Variants in ARID2 observed in about 807,000 individuals in gnomAD.
ARID2 encodes AT-rich interactive domain-containing protein 2.
ARID2 carries 32 observed loss-of-function variants against 184.6 expected under a neutral mutation model. The ratio of observed to expected loss-of-function variants is 0.17; its 90% CI spans 0.13 to 0.23. ARID2 has a LOEUF of 0.23. Ranked by LOEUF, ARID2 falls within the 10% of genes least tolerant of loss-of-function variation. The pLI is 1.00. For missense variants in ARID2, 1,696 were observed against 2,197.6 expected (o/e 0.77, Z 4.56); for synonymous variants, 836 against 772.6 (o/e 1.08, Z -1.36).
intron 3 of ARID2, among the ~76,000 whole-genome samples, chr12:45,754,658 T>A (rs1941528994): frequency 6.6e-6 from 1 of 152,256 alleles, no homozygotes; most frequent in Non-Finnish European, 1.5e-5. Context: ...AAGTAGATCC[T>A]TCTTTATAAT....
chr12:45,817,967 T>C (rs188417567), intron 5 of ARID2, 79 bp downstream of exon 5: 4 of 1,108,034 alleles, frequency 3.6e-6, no homozygotes, highest in Admixed American at 3.1e-5. Flanking sequence ...AAAGTACTTT[T>C]TGTTTGTCAA....
At chr12:45,757,204 A>G (rs948811578) in intron 3 of ARID2, among the ~76,000 whole-genome samples, 4 of 152,176 alleles carry the variant, frequency 2.6e-5, no homozygotes, top group Non-Finnish European at 5.9e-5. Flanking sequence ...CCAAACTGTT[A>G]AGTAGGTGGA....
intron 16 of ARID2, among the ~76,000 whole-genome samples, chr12:45,873,536 C>T (rs1353037581): frequency 1.3e-5 from 2 of 152,082 alleles, no homozygotes; most frequent in Non-Finnish European, 2.9e-5. Flanking sequence ...TTGCAGTATA[C>T]ATTTATAGTT....
At chr12:45,799,569 A>G (rs1314353524) in intron 3 of ARID2, among the ~76,000 whole-genome samples, 2 of 152,202 alleles carry the variant, frequency 1.3e-5, no homozygotes, top group Non-Finnish European at 2.9e-5. Flanking sequence ...TAATGCAACT[A>G]TAAAGGAAGA....
At position 45,852,012 on chromosome 12, in the gene ARID2, A is replaced by C. The variant is rs763246157; in HGVS notation, c.3889A>C (p.Arg1297=). 1 of 1,614,142 alleles carries C rather than the reference A, an allele frequency of 6.2e-7. No homozygotes were observed. The highest frequency in any genetic ancestry group is 1.7e-5 in the Admixed American group (1 of 60,010). ...GCATGTGGGAAGTCTTTTAAATGGG[A>C]GAAAGTACAGTGACTCAAGTCTACC... The part of the protein sequence containing the change: ...EMHVGSLLNG[R]KYSDSSLPPS... The change falls in exon 15 of 21, where the codon AGA becomes CGA. Residue 1297 remains arginine (R), a synonymous_variant. Coordinates refer to ENST00000334344, the MANE Select transcript of ARID2 (RefSeq NM_152641.4).
At chr12:45,768,147 A>G (rs1055256484) in intron 3 of ARID2, among the ~76,000 whole-genome samples, 6 of 152,208 alleles carry the variant, frequency 3.9e-5, no homozygotes, top group Admixed American at 3.9e-4. Flanking sequence ...CCAAGAACAC[A>G]AGATTACCTG....
chr12:45,759,787 C>A (rs1941639189), intron 3 of ARID2, among the ~76,000 whole-genome samples: 1 of 152,126 alleles, frequency 6.6e-6, no homozygotes, highest in Admixed American at 6.5e-5. Flanking sequence ...GTCTCAATCT[C>A]CTGTGCTCAA....
At chr12:45,899,554 C>A (rs193196167) in intron 20 of ARID2, among the ~76,000 whole-genome samples, 2 of 149,308 alleles carry the variant, frequency 1.3e-5, no homozygotes, top group African/African-American at 2.4e-5. Context: ...TGCAGTGAAC[C>A]GAGATCCCAC....
intron 3 of ARID2, among the ~76,000 whole-genome samples, 199 bp downstream of exon 3, chr12:45,731,513 A>G (rs1940998522): frequency 6.6e-6 from 1 of 152,218 alleles, no homozygotes; most frequent in Non-Finnish European, 1.5e-5. Flanking sequence ...AGGATCGTTT[A>G]CATTTTTCAT....
chr12:45,750,514 A>C (rs1173255763), intron 3 of ARID2, among the ~76,000 whole-genome samples: 1 of 152,216 alleles, frequency 6.6e-6, no homozygotes, highest in Non-Finnish European at 1.5e-5. Flanking sequence ...TTAAACCTTC[A>C]ATTGGTTTTA....
intron 3 of ARID2, among the ~76,000 whole-genome samples, chr12:45,810,610 G>A (rs1942688867): frequency 6.6e-6 from 1 of 152,002 alleles, no homozygotes; most frequent in Non-Finnish European, 1.5e-5. Flanking sequence ...AAAAGAATGA[G>A]GTAGTGCAGT....
rs147318807 is a variant in ARID2 at position 45,797,764 on chromosome 12, A to G, written c.285-13654A>G. Among the ~76,000 whole-genome samples the G allele has an allele frequency of 8.3e-4, 126 of 152,192 alleles. 3 individuals carry two copies. In the East Asian group the frequency reaches 0.023, roughly 28 times the overall value. ...GCACTAATGATTTATCGCAGAATTA[A>G]TTATTGAAAATGCTATTCTTTCTTC... is the stretch of plus-strand genomic sequence containing the variant. On this transcript the variant is annotated intron_variant, in intron 3 of 20. Transcript: ENST00000334344.
intron 3 of ARID2, among the ~76,000 whole-genome samples, chr12:45,736,831 A>G (rs1209301366): frequency 6.6e-6 from 1 of 152,190 alleles, no homozygotes; most frequent in African/African-American, 2.4e-5. Flanking sequence ...TATTTTGCTA[A>G]TGTGTATTGT....
intron 3 of ARID2, among the ~76,000 whole-genome samples, chr12:45,732,101 A>G (rs1022738367): frequency 1.3e-5 from 2 of 150,370 alleles, no homozygotes; most frequent in African/African-American, 4.9e-5. Context: ...TTTTTCTTCT[A>G]GGAATACTTT....
intron 3 of ARID2, among the ~76,000 whole-genome samples, chr12:45,767,578 C>T (rs979894462): frequency 6.6e-6 from 1 of 152,102 alleles, no homozygotes; most frequent in African/African-American, 2.4e-5. Flanking sequence ...CCTGTAATCC[C>T]AGCTCCTTGG....
At chr12:45,862,668 A>C (rs1049096259) in intron 16 of ARID2, among the ~76,000 whole-genome samples, 2 of 152,146 alleles carry the variant, frequency 1.3e-5, no homozygotes, top group Non-Finnish European at 2.9e-5. Flanking sequence ...ACATGGTGAG[A>C]CCTCATGTCT....
Position 45,753,651 on chromosome 12 carries a change from G to T in ARID2, c.284+22337G>T, listed in dbSNP as rs571155828. On this transcript the variant is annotated intron_variant, in intron 3 of 20. Coordinates refer to ENST00000334344, the MANE Select transcript of ARID2 (RefSeq NM_152641.4). ...AAGGTCTCGCTCTGTCGCCCAGGCT[G>T]GAGTGCAATAGTGCGATTGCGTCTC... Among the ~76,000 whole-genome samples the T allele has an allele frequency of 3.0e-4, 45 of 152,204 alleles. No homozygotes were observed. The South Asian group carries it at 8.9e-3, about 30-fold the overall frequency.
intron 20 of ARID2, among the ~76,000 whole-genome samples, chr12:45,896,452 C>G (rs959141575): frequency 2.0e-5 from 3 of 152,136 alleles, no homozygotes; most frequent in Non-Finnish European, 4.4e-5. Flanking sequence ...GGGGGCACGT[C>G]TCTCCTGTGC....
chr12:45,883,231 C>G (rs937865458), intron 16 of ARID2, among the ~76,000 whole-genome samples: 1 of 152,010 alleles, frequency 6.6e-6, no homozygotes, highest in Non-Finnish European at 1.5e-5. Flanking sequence ...AGGAAATACC[C>G]TGATTTCTAC....
Sources: gnomAD v4.1 joint callset for allele counts (sites outside exome capture counted in the v4.1 genomes callset) on GRCh38, gnomAD v4.1.1 for gene constraint, MANE v1.5 for transcripts, NCBI Gene and HGNC (gene_info 2026-07-23, HGNC 2026-07-21) for gene names.